The following SORBS2 variants were observed in gnomAD, a reference collection of about 807,000 sequenced individuals.
SORBS2 encodes sorbin and SH3 domain containing 2.
In SORBS2, 46 loss-of-function variants were observed where a neutral mutation model predicts 97.7. The ratio of observed to expected loss-of-function variants is 0.47; its 90% confidence interval spans 0.37 to 0.60. The LOEUF (loss-of-function observed/expected upper bound fraction) is 0.60. Ranked by LOEUF, SORBS2 falls within the 20% of genes least tolerant of loss-of-function variation. The pLI, the probability that SORBS2 is intolerant of heterozygous loss-of-function variation, is 0.00. For synonymous variants in SORBS2, 476 were observed against 473.4 expected, an observed-to-expected ratio of 1.01 and a Z score of -0.07; for missense variants, 1,316 against 1,282.3, an observed-to-expected ratio of 1.03 and a Z score of -0.40.
At chr4:185,734,444 A>C (rs768941366) in intron 2 of SORBS2, among the ~76,000 whole-genome samples, 28 of 152,156 alleles carry the variant, frequency 1.8e-4, no homozygotes, top group Non-Finnish European at 3.7e-4. Context: ...GGTGGGGGTG[A>C]AGCAGGCAGG....
chr4:185,895,981 G>A (rs2099244812), intron 1 of SORBS2, among the ~76,000 whole-genome samples: 1 of 152,180 alleles, frequency 6.6e-6, no homozygotes, highest in African/African-American at 2.4e-5. Flanking sequence ...GAGTGTATGA[G>A]AGTGATGGAG....
chr4:185,599,797 G>A (rs982232499), intron 12 of SORBS2, among the ~76,000 whole-genome samples: 2 of 152,194 alleles, frequency 1.3e-5, no homozygotes, highest in Non-Finnish European at 2.9e-5. Flanking sequence ...TAAAAGGGAA[G>A]CACATCACCA....
intron 2 of SORBS2, among the ~76,000 whole-genome samples, chr4:185,742,182 T>G (rs7667992): frequency 0.36 from 55,025 of 152,058 alleles, 10,314 homozygotes; most frequent in Non-Finnish European, 0.39. Flanking sequence ...AAACAACCCT[T>G]GAGAATCTTA....
intron 2 of SORBS2, chr4:185,771,467 T>C (rs1277911073): frequency 6.6e-6 from 1 of 152,244 alleles, no homozygotes; most frequent in Non-Finnish European, 1.5e-5. Context: ...TCTGGGGCTA[T>C]CAAATCACAT....
intron 2 of SORBS2, among the ~76,000 whole-genome samples, chr4:185,697,534 C>T (rs1448018486): frequency 6.6e-6 from 1 of 152,166 alleles, no homozygotes; most frequent in Non-Finnish European, 1.5e-5. Context: ...CCCTTGCCTT[C>T]TAGCCCAGCT....
At chr4:185,601,299 A>G (rs1159562576) in intron 12 of SORBS2, among the ~76,000 whole-genome samples, 1 of 152,168 alleles carries the variant, frequency 6.6e-6, no homozygotes, top group African/African-American at 2.4e-5. Flanking sequence ...TAAAGACCAC[A>G]TTTCCTGACT....
intron 1 of SORBS2, among the ~76,000 whole-genome samples, chr4:185,943,297 G>C (rs763044409): frequency 6.6e-6 from 1 of 152,162 alleles, no homozygotes; most frequent in African/African-American, 2.4e-5. Context: ...CCTAATGATT[G>C]TAAAAGGGAA....
At chr4:185,865,298 C>T (rs544228708) in intron 1 of SORBS2, among the ~76,000 whole-genome samples, 4 of 152,248 alleles carry the variant, frequency 2.6e-5, no homozygotes, top group South Asian at 2.1e-4. Flanking sequence ...GAACAAGGGG[C>T]GGGAATTTCA....
chr4:185,706,350 A>C (rs1388232056), intron 2 of SORBS2, among the ~76,000 whole-genome samples: 4 of 152,220 alleles, frequency 2.6e-5, no homozygotes, highest in African/African-American at 9.7e-5. Flanking sequence ...CAGATCCACA[A>C]ACAGCAAGCA....
At chr4:185,674,728 C>T (rs991040546) in intron 4 of SORBS2, among the ~76,000 whole-genome samples, 3 of 152,130 alleles carry the variant, frequency 2.0e-5, no homozygotes, top group Non-Finnish European at 4.4e-5. Context: ...TCCTTCTGGT[C>T]CTCCCACAGC....
chr4:185,764,671 T>A (rs1004825834), intron 2 of SORBS2, among the ~76,000 whole-genome samples: 1 of 152,186 alleles, frequency 6.6e-6, no homozygotes, highest in Admixed American at 6.5e-5. Context: ...TATTTACAAT[T>A]TACTTCCTAT....
chr4:185,881,294 C>A (rs1340051616), intron 1 of SORBS2, among the ~76,000 whole-genome samples: 1 of 152,064 alleles, frequency 6.6e-6, no homozygotes, highest in African/African-American at 2.4e-5. Flanking sequence ...GGAAGCTAGA[C>A]AACAATGATC....
chr4:185,924,406 A>T (rs34141737), intron 1 of SORBS2, among the ~76,000 whole-genome samples: 57,352 of 151,838 alleles, frequency 0.38, 10,973 homozygotes, highest in East Asian at 0.56. Flanking sequence ...GTCCTTGCCA[A>T]GTTTTTGTTT....
At chr4:185,731,747 C>T (rs2098634046) in intron 2 of SORBS2, among the ~76,000 whole-genome samples, 1 of 100,902 alleles carries the variant, frequency 9.9e-6, no homozygotes, top group African/African-American at 3.8e-5. Flanking sequence ...TCCCTCCCTC[C>T]CTATCTCTCT....
At chr4:185,870,294 G>A (rs886130792) in intron 1 of SORBS2, among the ~76,000 whole-genome samples, 5 of 152,222 alleles carry the variant, frequency 3.3e-5, no homozygotes, top group African/African-American at 1.2e-4. Context: ...ATCTTCAGGA[G>A]ACGAGACACT....
At chr4:185,592,524 C>T (rs528163325) in intron 13 of SORBS2, among the ~76,000 whole-genome samples, 12 of 152,152 alleles carry the variant, frequency 7.9e-5, no homozygotes, top group African/African-American at 2.6e-4. Flanking sequence ...AATGACAAGT[C>T]GTATTTAGTG....
At chr4:185,749,555 A>G (rs2098787036) in intron 2 of SORBS2, among the ~76,000 whole-genome samples, 1 of 152,244 alleles carries the variant, frequency 6.6e-6, no homozygotes, top group African/African-American at 2.4e-5. Context: ...GCTCAGAATT[A>G]CAGACATAAG....
chr4:185,801,560 T>C (rs2099130514), intron 1 of SORBS2, among the ~76,000 whole-genome samples: 1 of 152,222 alleles, frequency 6.6e-6, no homozygotes, highest in African/African-American at 2.4e-5. Context: ...TGCCTTTCCA[T>C]GATGCTTAGT....
chr4:185,754,088 TA>T (rs2098816868), intron 2 of SORBS2, among the ~76,000 whole-genome samples: 1 of 152,026 alleles, frequency 6.6e-6, no homozygotes, highest in African/African-American at 2.4e-5. Context: ...GAAGATATGG[TA>T]TATACACACC....
Sources: allele counts gnomAD v4.1 joint callset (sites outside exome capture counted in the v4.1 genomes callset), GRCh38; gene constraint gnomAD v4.1.1; transcripts MANE v1.5; gene names NCBI Gene and HGNC (gene_info 2026-07-23, HGNC 2026-07-21).